Variants in MAP3K5 observed in about 807,000 individuals in gnomAD.
MAP3K5 encodes the protein mitogen-activated protein kinase kinase kinase 5, also known as ASK-1.
In MAP3K5, 56 loss-of-function variants were observed where a neutral mutation model predicts 158.7. The ratio of observed to expected loss-of-function variants is 0.35; its 90% CI spans 0.28 to 0.44. The LOEUF is 0.44. Ranked by LOEUF, MAP3K5 falls within the 20% of genes least tolerant of loss-of-function variation. The pLI, the probability that MAP3K5 is intolerant of heterozygous loss-of-function variation, is 1.00. For synonymous variants in MAP3K5, 579 were observed against 601.7 expected (o/e 0.96, Z 0.55); for missense variants, 1,294 against 1,674.8 (o/e 0.77, Z 3.97).
chr6:136,671,812 G>A (rs1779496286), intron 7 of MAP3K5, among the ~76,000 whole-genome samples: 1 of 150,596 alleles, frequency 6.6e-6, no homozygotes, highest in South Asian at 2.1e-4. Context: ...TTTTAGTAGA[G>A]ATGGGGTTTT....
intron 1 of MAP3K5, among the ~76,000 whole-genome samples, chr6:136,756,066 G>GGAGGCCAAAATGGGCAGATCGCTT (rs1562677589): frequency 6.6e-6 from 1 of 152,036 alleles, no homozygotes; most frequent in Non-Finnish European, 1.5e-5. Flanking sequence ...TCACACTTTG[G>GGAGGCCAAAATGGGCAGATCGCTT]GAGGCCAAAA....
intron 1 of MAP3K5, among the ~76,000 whole-genome samples, chr6:136,732,556 T>TA (rs1297318629): frequency 6.6e-6 from 1 of 152,190 alleles, no homozygotes. Flanking sequence ...GACTTGCTGA[T>TA]AGACAGCTGG....
chr6:136,654,251 T>C (rs927580450), intron 10 of MAP3K5, among the ~76,000 whole-genome samples: 1 of 152,172 alleles, frequency 6.6e-6, no homozygotes, highest in Non-Finnish European at 1.5e-5. Flanking sequence ...TATTCAGCAA[T>C]TCCTATGCCC....
intron 6 of MAP3K5, among the ~76,000 whole-genome samples, chr6:136,695,408 G>A (rs1193749307): frequency 1.3e-5 from 2 of 152,172 alleles, no homozygotes; most frequent in African/African-American, 4.8e-5. Context: ...CAAAGTGCTA[G>A]GATTGCAGGA....
At chr6:136,586,447 G>A (rs1369978379) in intron 23 of MAP3K5, among the ~76,000 whole-genome samples, 1 of 152,196 alleles carries the variant, frequency 6.6e-6, no homozygotes, top group Non-Finnish European at 1.5e-5. Flanking sequence ...TCTGGGAAAT[G>A]TTTTCTGTTC....
At chr6:136,722,903 G>A (rs917550636) in intron 1 of MAP3K5, among the ~76,000 whole-genome samples, 1 of 151,792 alleles carries the variant, frequency 6.6e-6, no homozygotes, top group African/African-American at 2.4e-5. Flanking sequence ...GCACGGGCTG[G>A]TCTCAAACTC....
intron 1 of MAP3K5, among the ~76,000 whole-genome samples, chr6:136,739,109 C>CAG (rs1194324658): frequency 6.6e-6 from 1 of 152,138 alleles, no homozygotes; most frequent in East Asian, 1.9e-4. Context: ...GTACAACAGA[C>CAG]AGAACTGATT....
intron 7 of MAP3K5, among the ~76,000 whole-genome samples, chr6:136,679,434 TG>T (rs1429184919): frequency 1.3e-5 from 2 of 152,118 alleles, no homozygotes; most frequent in South Asian, 4.1e-4. Flanking sequence ...TAGAATTTCA[TG>T]TTTTTTTTTA....
At chr6:136,703,905 T>C (rs1780959385) in intron 3 of MAP3K5, among the ~76,000 whole-genome samples, 1 of 152,228 alleles carries the variant, frequency 6.6e-6, no homozygotes, top group Admixed American at 6.5e-5. Context: ...ATATTGTATA[T>C]TATCTTCACT....
intron 7 of MAP3K5, among the ~76,000 whole-genome samples, chr6:136,693,169 C>T (rs1233679855): frequency 6.6e-6 from 1 of 152,072 alleles, no homozygotes. Flanking sequence ...CTACAGATTC[C>T]ATCCTTTCCT....
Position 136,613,022 on chromosome 6 carries a change from A to G in MAP3K5, c.2415+98T>C. The G allele has an allele frequency of 8.9e-7, 1 of 1,124,200 alleles. No individual in the cohort carries two copies. The highest frequency in any genetic ancestry group is 1.6e-5 in the African/African-American group (1 of 63,618). 69.6% of individuals were successfully genotyped at this position (1,124,200 alleles called of 1,614,324 possible). Reference sequence around the variant, plus strand: ...TGTTTCTAAGATTTACTTATTCACCATTCTAAATTAATACTCATAACACAA... The same window carrying G: ...TGTTTCTAAGATTTACTTATTCACCGTTCTAAATTAATACTCATAACACAA... On this transcript the variant is annotated intron_variant, in intron 17 of 29. Transcript: ENST00000359015. This position sits in a 1 kb window ranked among gnomAD's most constrained non-coding sequence, Gnocchi z 4.0.
chr6:136,791,583 C>T, intron 1 of MAP3K5, 127 bp downstream of exon 1: 2 of 997,676 alleles, frequency 2.0e-6, no homozygotes, highest in Non-Finnish European at 3.1e-6. Context: ...CACGCAGCGG[C>T]GCTCGCTGCC....
At chr6:136,611,567 A>T (rs751676602) in intron 17 of MAP3K5, among the ~76,000 whole-genome samples, 180 bp from the exon 18 acceptor site, 9 of 152,110 alleles carry the variant, frequency 5.9e-5, no homozygotes, top group Non-Finnish European at 1.2e-4. Context: ...TTTTTTGTTT[A>T]CATATTATCA....
Position 136,614,589 on chromosome 6 carries a change from C to A in MAP3K5, c.2151-303G>T, listed in dbSNP as rs544843540. Among the ~76,000 whole-genome samples, 9 of 152,282 alleles carry A rather than the reference C, an allele frequency of 5.9e-5. No homozygotes were observed. In the South Asian group the frequency reaches 1.9e-3, roughly 32 times the overall value. ...ATTCACAGAGAGGATGACTGACTTG[C>A]TCAAGATCCCAAAGCTATTAAGTGA... On this transcript the variant is annotated intron_variant, in intron 15 of 29. Transcript: ENST00000359015.
chr6:136,601,571 C>T (rs1177587092), intron 20 of MAP3K5, among the ~76,000 whole-genome samples: 2 of 152,198 alleles, frequency 1.3e-5, no homozygotes, highest in African/African-American at 4.8e-5. Flanking sequence ...TATTAACTAC[C>T]TACTAACTAT....
At position 136,557,876 on chromosome 6, in the gene MAP3K5, G is replaced by A. The variant is rs1830319793; in HGVS notation, c.4065-58C>T. The A allele has an allele frequency of 3.4e-6, 4 of 1,165,862 alleles. No homozygotes were observed. In the South Asian group the frequency reaches 4.9e-5, roughly 14 times the overall value. The allele number at this position is 1,165,862 out of a possible 1,614,324, so 72.2% of individuals were successfully genotyped here. ...ACATTTCATTTGAAACATTGCCCTT[G>A]AAATAGAAAAGTGACTTCTTAGCTT... On this transcript the variant is annotated intron_variant, in intron 29 of 29. Coordinates refer to ENST00000359015, the MANE Select transcript of MAP3K5 (RefSeq NM_005923.4).
At chr6:136,723,331 G>C (rs1781822998) in intron 1 of MAP3K5, among the ~76,000 whole-genome samples, 1 of 151,664 alleles carries the variant, frequency 6.6e-6, no homozygotes, top group Non-Finnish European at 1.5e-5. Context: ...AAAATAAAAA[G>C]TAAAATATAA....
At chr6:136,605,175 T>C (rs1228589306) in intron 19 of MAP3K5, 34 bp downstream of exon 19, 3 of 1,602,182 alleles carry the variant, frequency 1.9e-6, no homozygotes, top group Non-Finnish European at 2.6e-6. Flanking sequence ...TAAAAAGCTT[T>C]ATCCATTTGT....
intron 1 of MAP3K5, among the ~76,000 whole-genome samples, chr6:136,737,943 C>A (rs1782545195): frequency 6.6e-6 from 1 of 152,118 alleles, no homozygotes; most frequent in Admixed American, 6.5e-5. Flanking sequence ...TTTCAGGATG[C>A]AGGGCCTGGG....
Sources: allele counts gnomAD v4.1 joint callset (sites outside exome capture counted in the v4.1 genomes callset), GRCh38; gene constraint gnomAD v4.1.1; non-coding constraint Gnocchi (gnomAD v3.1); transcripts MANE v1.5; gene names NCBI Gene and HGNC (gene_info 2026-07-23, HGNC 2026-07-21).